Variants in MARK1 observed in about 807,000 individuals in gnomAD.
The protein encoded by MARK1 is serine/threonine-protein kinase MARK1.
MARK1 carries 40 observed loss-of-function variants against 96.3 expected under a neutral mutation model. That is an observed-to-expected ratio of 0.42 (90% CI 0.32 to 0.54). The LOEUF is 0.54. Ranked by LOEUF, MARK1 falls within the 20% of genes least tolerant of loss-of-function variation. MARK1 has a pLI of 0.16. For missense variants in MARK1, 719 were observed against 984.6 expected (o/e 0.73, Z 3.61); for synonymous variants, 317 against 341.2 (o/e 0.93, Z 0.78).
intron 3 of MARK1, among the ~76,000 whole-genome samples, chr1:220,586,207 A>G (rs1664618108): frequency 2.0e-5 from 3 of 152,162 alleles, no homozygotes; most frequent in African/African-American, 7.2e-5. Context: ...CTCATGGACC[A>G]TGAACTCGCC....
chr1:220,591,958 G>A (rs1159635260), intron 3 of MARK1, among the ~76,000 whole-genome samples: 1 of 151,800 alleles, frequency 6.6e-6, no homozygotes, highest in Non-Finnish European at 1.5e-5. Flanking sequence ...CCCACACCTA[G>A]CTGGACAGCA....
At chr1:220,650,475 G>A (rs1668810343) in intron 13 of MARK1, 145 bp from the exon 14 acceptor site, 1 of 572,172 alleles carries the variant, frequency 1.7e-6, no homozygotes, top group East Asian at 3.0e-5. Context: ...CTAAATTAGA[G>A]AGAGGCAGGG....
intron 3 of MARK1, among the ~76,000 whole-genome samples, chr1:220,585,038 T>C (rs1290307770): frequency 6.6e-6 from 1 of 152,216 alleles, no homozygotes; most frequent in Non-Finnish European, 1.5e-5. Flanking sequence ...AGAGAATTAT[T>C]ATTTTGTGAA....
At chr1:220,589,688 G>A (rs560405784) in intron 3 of MARK1, among the ~76,000 whole-genome samples, 4 of 152,248 alleles carry the variant, frequency 2.6e-5, no homozygotes, top group Admixed American at 6.5e-5. Context: ...CCAGCCTACA[G>A]CAAACCTGAA....
At chr1:220,635,327 T>C in intron 11 of MARK1, 49 bp from the exon 12 acceptor site, 1 of 806,988 alleles carries the variant, frequency 1.2e-6, no homozygotes, top group Non-Finnish European at 1.7e-6. Flanking sequence ...GTGCAAACTT[T>C]TTTTTTTTTT....
chr1:220,601,003 C>T (rs1347650109), intron 5 of MARK1, among the ~76,000 whole-genome samples: 2 of 151,714 alleles, frequency 1.3e-5, no homozygotes, highest in South Asian at 4.1e-4. Context: ...CTCCAAGCTT[C>T]GCCTCCCAGG....
At chr1:220,616,041 T>A in intron 7 of MARK1, 46 bp downstream of exon 7, 1 of 950,744 alleles carries the variant, frequency 1.1e-6, no homozygotes, top group Non-Finnish European at 1.6e-6. Flanking sequence ...TCGTTATTAT[T>A]AACATATATT....
intron 9 of MARK1, among the ~76,000 whole-genome samples, chr1:220,621,872 TGTGTATTTTATTAAA>T (rs2102980297): frequency 6.6e-6 from 1 of 152,300 alleles, no homozygotes; most frequent in Admixed American, 6.5e-5. Flanking sequence ...CAGACATAAC[TGTGTATTTTATTAAA>T]GTGTTTCTTA....
intron 1 of MARK1, among the ~76,000 whole-genome samples, chr1:220,558,094 A>G (rs1041549139): frequency 6.0e-5 from 9 of 150,704 alleles, no homozygotes; most frequent in African/African-American, 2.2e-4. Context: ...GATCACATCA[A>G]CACACTCCAG....
chr1:220,595,897 G>A (rs1344665492), intron 3 of MARK1, among the ~76,000 whole-genome samples: 1 of 152,166 alleles, frequency 6.6e-6, no homozygotes, highest in East Asian at 1.9e-4. Context: ...ATGCATCGAT[G>A]TAGAAATTTC....
In MARK1 at chr1:220,631,124, A is replaced by G. The variant is rs1171944918; in HGVS notation, c.999A>G (p.Thr333=). 4 of 1,609,928 alleles carry G rather than the reference A, an allele frequency of 2.5e-6. No homozygotes were observed. Among genetic ancestry groups the G allele is most frequent in the Non-Finnish European group, 3.4e-6 (4 of 1,176,486 alleles). Residue 333 remains threonine, a synonymous_variant, in exon 10 of 18, where the codon ACA becomes ACG. Transcript: ENST00000366917. ...YTEPDPDFND[T]KRIDIMVTMG... ...AGCCTGATCCGGATTTCAATGACAC[A>G]AAAAGAATAGGTAAGTATTTAAACA...
intron 3 of MARK1, among the ~76,000 whole-genome samples, chr1:220,590,138 T>A (rs1664891094): frequency 6.6e-6 from 1 of 152,232 alleles, no homozygotes; most frequent in Non-Finnish European, 1.5e-5. Flanking sequence ...AGCTTCGGTC[T>A]CTTTCTTTCA....
chr1:220,616,000 G>C lies in MARK1; in HGVS notation c.552+5G>C, dbSNP rs563578276. On this transcript the variant is annotated splice_donor_5th_base_variant and intron_variant, in intron 7 of 17. Transcript: ENST00000366917. ...ATTGTTCACCGTGATCTTAAGGTAA[G>C]CTTCTGAGTGTAATTTTTTTAAAAA... The C allele has an allele frequency of 1.2e-5, 18 of 1,463,950 alleles. No homozygotes were observed. In the East Asian group the frequency reaches 1.9e-4, roughly 15 times the overall value. The allele number at this position is 1,463,950 out of a possible 1,614,324, so 90.7% of individuals were successfully genotyped here. A position where few individuals can be genotyped will look rare whatever the true frequency, so the allele number is the denominator to read the frequency against.
At chr1:220,595,758 G>A (rs1326352772) in intron 3 of MARK1, among the ~76,000 whole-genome samples, 1 of 152,118 alleles carries the variant, frequency 6.6e-6, no homozygotes, top group African/African-American at 2.4e-5. Context: ...AGGATGGGAA[G>A]GTAGAAAAGA....
chr1:220,633,514 C>T (rs1055754256), intron 11 of MARK1, among the ~76,000 whole-genome samples: 2 of 152,062 alleles, frequency 1.3e-5, no homozygotes, highest in Admixed American at 6.5e-5. Flanking sequence ...AATAGAAGGA[C>T]GAGAAAGTCT....
intron 1 of MARK1, among the ~76,000 whole-genome samples, chr1:220,547,826 A>T (rs148826356): frequency 2.6e-5 from 4 of 152,180 alleles, no homozygotes; most frequent in Non-Finnish European, 4.4e-5. Context: ...TCAGCCTCCC[A>T]AAGTGCTGGG....
At chr1:220,554,554 A>C (rs919062328) in intron 1 of MARK1, among the ~76,000 whole-genome samples, 3 of 152,198 alleles carry the variant, frequency 2.0e-5, no homozygotes, top group African/African-American at 7.2e-5. Context: ...CTAAATTATG[A>C]CATAAGGGTA....
intron 1 of MARK1, among the ~76,000 whole-genome samples, chr1:220,564,529 A>T (rs1018799621): frequency 1.3e-5 from 2 of 152,126 alleles, no homozygotes; most frequent in Non-Finnish European, 1.5e-5. Flanking sequence ...TCTATATATT[A>T]TCCAATTAGG....
intron 5 of MARK1, among the ~76,000 whole-genome samples, chr1:220,601,890 C>G (rs1665773107): frequency 6.6e-6 from 1 of 152,104 alleles, no homozygotes; most frequent in African/African-American, 2.4e-5. Flanking sequence ...TACAGGAATT[C>G]AGACCACACC....
Sources: allele counts gnomAD v4.1 joint callset (sites outside exome capture counted in the v4.1 genomes callset), GRCh38; gene constraint gnomAD v4.1.1; transcripts MANE v1.5; gene names NCBI Gene and HGNC (gene_info 2026-07-23, HGNC 2026-07-21).